The following ARMC2 variants were observed in gnomAD, a reference collection of about 807,000 sequenced individuals.
The protein encoded by ARMC2 is armadillo repeat containing 2, also known as armadillo repeat-containing protein 2.
Under a neutral mutation model 90.3 loss-of-function variants are expected in ARMC2, and 67 were observed. The ratio of observed to expected loss-of-function variants is 0.74; its 90% CI spans 0.61 to 0.91. The LOEUF is 0.91. ARMC2 is among the 40% of genes least tolerant of loss of function. The pLI is 0.00. For synonymous variants in ARMC2, 393 were observed against 393.0 expected, an observed-to-expected ratio of 1.00 and a Z score of 0.00; for missense variants, 920 against 1,030.9, an observed-to-expected ratio of 0.89 and a Z score of 1.47.
chr6:108,985,987 T>C, the ARMC2 span, among the ~76,000 whole-genome samples: 1 of 152,170 alleles, frequency 6.6e-6, no homozygotes, highest in African/African-American at 2.4e-5. Flanking sequence ...AAATTGATCC[T>C]TCCCAACCCC....
chr6:109,035,903 C>T, the ARMC2 span, among the ~76,000 whole-genome samples: 2 of 152,200 alleles, frequency 1.3e-5, no homozygotes, highest in Non-Finnish European at 2.9e-5. Context: ...CACTGCACCA[C>T]TATCACATAT....
intron 7 of ARMC2, among the ~76,000 whole-genome samples, chr6:108,901,555 A>G (rs929375136): frequency 2.0e-5 from 3 of 151,820 alleles, no homozygotes; most frequent in Non-Finnish European, 4.4e-5. Flanking sequence ...GGCTGGGATG[A>G]CAGGTGCGCA....
the ARMC2 span, chr6:109,001,191 A>AATCT: frequency 1.0e-6 from 1 of 991,768 alleles, no homozygotes; most frequent in African/African-American, 1.6e-5. Context: ...TATATATCAT[A>AATCT]ATCTAAGTAT....
intron 13 of ARMC2, among the ~76,000 whole-genome samples, chr6:108,955,924 T>C (rs1295496355): frequency 6.6e-6 from 1 of 152,210 alleles, no homozygotes; most frequent in Non-Finnish European, 1.5e-5. Flanking sequence ...AAATACCCTT[T>C]TTGGTTTCTG....
At chr6:109,001,260 AAC>A in the ARMC2 span, 8 of 1,598,754 alleles carry the variant, frequency 5.0e-6, no homozygotes, top group African/African-American at 2.7e-5. Context: ...AATAGGCAAA[AAC>A]AATTTTTCAC....
intron 12 of ARMC2, among the ~76,000 whole-genome samples, chr6:108,947,614 AG>A (rs1409125878): frequency 6.6e-6 from 1 of 152,128 alleles, no homozygotes; most frequent in Non-Finnish European, 1.5e-5. Flanking sequence ...ATTCAGATTG[AG>A]TAACTTGTTT....
At chr6:108,939,478 G>A (rs1776264407) in intron 12 of ARMC2, among the ~76,000 whole-genome samples, 1 of 152,008 alleles carries the variant, frequency 6.6e-6, no homozygotes. Flanking sequence ...ACCTCCCCCT[G>A]CTCTCTCTCT....
intron 3 of ARMC2, among the ~76,000 whole-genome samples, chr6:108,863,844 T>C (rs879647276): frequency 2.6e-5 from 4 of 152,314 alleles, no homozygotes; most frequent in East Asian, 3.9e-4. Flanking sequence ...CATCATCAAA[T>C]TGATCATTTC....
chr6:108,994,765 C>T, the ARMC2 span, among the ~76,000 whole-genome samples: 4 of 145,288 alleles, frequency 2.8e-5, no homozygotes, highest in South Asian at 2.2e-4. Context: ...TGCAGTGGCG[C>T]GATCTCGGCT....
chr6:108,864,546 G>A (rs1346248416), intron 3 of ARMC2, among the ~76,000 whole-genome samples: 4 of 151,868 alleles, frequency 2.6e-5, no homozygotes, highest in East Asian at 1.9e-4. Flanking sequence ...CACGCCTGGC[G>A]GCTTGCGAGA....
the ARMC2 span, among the ~76,000 whole-genome samples, chr6:109,052,358 G>C: frequency 6.6e-6 from 1 of 152,158 alleles, no homozygotes; most frequent in East Asian, 1.9e-4. Context: ...AGACTATATT[G>C]ATATAAATAT....
At position 108,936,803 on chromosome 6, in the gene ARMC2, A is replaced by G. The variant is rs183339976; in HGVS notation, c.1497-97A>G. 2,670 of 985,024 alleles carry G rather than the reference A, an allele frequency of 2.7e-3. 9 individuals carry two copies. The highest frequency in any genetic ancestry group is 3.4e-3 in the Non-Finnish European group (2,264 of 657,880). The allele number at this position is 985,024 out of a possible 1,614,324, so 61.0% of individuals were successfully genotyped here. On this transcript the variant is annotated intron_variant, in intron 11 of 17. Transcript: ENST00000392644. The stretch of plus-strand genomic sequence containing the variant: ...TAGACTCCTTTTCTTGAACTGGGCA[A>G]TGTTTTGAAGGTCTGCATTTAAAGT...
At chr6:108,932,654 G>A (rs1024064462) in intron 11 of ARMC2, among the ~76,000 whole-genome samples, 3 of 148,678 alleles carry the variant, frequency 2.0e-5, no homozygotes, top group Admixed American at 6.8e-5. Flanking sequence ...TCAGCCTCCC[G>A]AGTAGCTGGG....
intron 7 of ARMC2, among the ~76,000 whole-genome samples, chr6:108,900,981 A>G (rs1772078264): frequency 6.6e-6 from 1 of 152,124 alleles, no homozygotes; most frequent in Admixed American, 6.5e-5. Context: ...AGTGAGAAGA[A>G]CAATGAGTCT....
chr6:108,850,399 G>A (rs1773885716), intron 1 of ARMC2, among the ~76,000 whole-genome samples: 1 of 152,098 alleles, frequency 6.6e-6, no homozygotes, highest in African/African-American at 2.4e-5. Flanking sequence ...CCTCTTCCTG[G>A]AATCATGGAT....
chr6:108,991,073 A>AAC, the ARMC2 span, among the ~76,000 whole-genome samples: 69 of 150,070 alleles, frequency 4.6e-4, no homozygotes, highest in African/African-American at 1.6e-3. Context: ...TCTCAAAAAA[A>AAC]AACAACAACA....
the ARMC2 span, chr6:109,009,309 GC>G: frequency 1.4e-6 from 2 of 1,427,344 alleles, no homozygotes; most frequent in South Asian, 1.4e-5. Flanking sequence ...TCGGCCGGGT[GC>G]CCACCCGCCC....
chr6:109,000,223 C>G, the ARMC2 span: 1 of 259,398 alleles, frequency 3.9e-6, no homozygotes, highest in East Asian at 7.0e-5. Flanking sequence ...GTAATGGATG[C>G]GTGACATTAG....
chr6:109,009,985 T>C, the ARMC2 span, among the ~76,000 whole-genome samples: 1 of 152,134 alleles, frequency 6.6e-6, no homozygotes. Context: ...CCCTTCTTCC[T>C]TTCCCATAAT....
Sources: gnomAD v4.1 joint callset for allele counts (sites outside exome capture counted in the v4.1 genomes callset) on GRCh38, gnomAD v4.1.1 for gene constraint, MANE v1.5 for transcripts, NCBI Gene and HGNC (gene_info 2026-07-23, HGNC 2026-07-21) for gene names.